Variants in OBI1 observed in about 807,000 individuals in gnomAD.
The protein encoded by OBI1 is ORC ubiquitin ligase 1.
A neutral mutation model predicts 62.4 loss-of-function variants in OBI1; 59 were observed. The observed-to-expected ratio is 0.95, with a 90% CI of 0.77 to 1.17. The LOEUF (loss-of-function observed/expected upper bound fraction) is 1.17. OBI1 is among the 50% of genes most tolerant of loss of function. The probability of loss-of-function intolerance (pLI) is 0.00; values close to 1 mark genes in which losing one functional copy is unlikely to be tolerated. For missense variants in OBI1, 875 were observed against 830.9 expected, an observed-to-expected ratio of 1.05 and a Z score of -0.65; for synonymous variants, 302 against 292.8, an observed-to-expected ratio of 1.03 and a Z score of -0.32.
At chr13:78,633,838 C>T (rs1000778891) in intron 5 of OBI1, among the ~76,000 whole-genome samples, 108 of 152,016 alleles carry the variant, frequency 7.1e-4, no homozygotes, top group East Asian at 2.0e-4. Context: ...GAGGCCGAGG[C>T]GGGTGGATCA....
chr13:78,617,652 T>A (rs1429518393), intron 5 of OBI1, among the ~76,000 whole-genome samples: 1 of 152,212 alleles, frequency 6.6e-6, no homozygotes, highest in African/African-American at 2.4e-5. Flanking sequence ...TAAATACTTA[T>A]TTGGGCCCTT....
chr13:78,658,973 G>T, intron 1 of OBI1, 76 bp downstream of exon 1: 2 of 1,362,114 alleles, frequency 1.5e-6, no homozygotes, highest in Non-Finnish European at 2.1e-6. Context: ...CCCCGCCCCC[G>T]CACGAGACGG....
At chr13:78,653,217 C>G (rs1876595077) in intron 1 of OBI1, among the ~76,000 whole-genome samples, 1 of 152,180 alleles carries the variant, frequency 6.6e-6, no homozygotes, top group Non-Finnish European at 1.5e-5. Context: ...TGAAGAAAGT[C>G]TTGTTTTAGG....
chr13:78,659,131 A>C lies in OBI1; in HGVS notation c.-11T>G. 1 of 1,609,058 alleles carries C rather than the reference A, an allele frequency of 6.2e-7. No individual in the cohort carries two copies. Among genetic ancestry groups the C allele is most frequent in the East Asian group, 2.2e-5 (1 of 44,564 alleles). On this transcript the variant is annotated 5_prime_UTR_variant, in exon 1 of 6. Coordinates refer to ENST00000282003, the MANE Select transcript of OBI1 (RefSeq NM_024546.4). ...CACGGTCTGAGCCATGGCAGCGTTC[A>C]GAATCCCGCCAACACGGAAGTCCCG...
chr13:78,615,764 T>G lies in OBI1; in HGVS notation c.1997A>C (p.Gln666Pro). ...CTTAAACAAAGATGACCCAAATCTT[T>G]GATCTTCAAATAGTCGATGTGAACT... ...LSSSHRLFED[Q>P]RFGSSLFKMS... is the part of the protein sequence containing the mutation. Residue 666 changes from glutamine to proline, a missense_variant, in exon 6 of 6, where the codon CAA (glutamine) becomes CCA (proline). By Grantham distance (76) the Gln-to-Pro change is moderately conservative (BLOSUM62 -1). Transcript: ENST00000282003. The G allele has an allele frequency of 6.2e-7, 1 of 1,613,942 alleles. No individual in the cohort carries two copies. The highest frequency in any genetic ancestry group is 8.5e-7 in the Non-Finnish European group (1 of 1,179,972).
chr13:78,634,807 C>G (rs960041533), intron 5 of OBI1, among the ~76,000 whole-genome samples: 4 of 152,152 alleles, frequency 2.6e-5, no homozygotes, highest in African/African-American at 9.7e-5. Flanking sequence ...CTTAATCTCA[C>G]TACTATGTTA....
chr13:78,653,849 G>A (rs960584603), intron 1 of OBI1, among the ~76,000 whole-genome samples: 1 of 152,026 alleles, frequency 6.6e-6, no homozygotes, highest in Non-Finnish European at 1.5e-5. Context: ...TTTCTCTAGT[G>A]AAGACCTGGA....
At chr13:78,630,733 C>T (rs1384115826) in intron 5 of OBI1, among the ~76,000 whole-genome samples, 1 of 152,104 alleles carries the variant, frequency 6.6e-6, no homozygotes, top group Non-Finnish European at 1.5e-5. Flanking sequence ...CCTCACTAGA[C>T]CAGCTGGCAC....
chr13:78,615,460 A>C lies in OBI1; in HGVS notation c.*120T>G, dbSNP rs1287407564. On this transcript the variant is annotated 3_prime_UTR_variant, in exon 6 of 6. Coordinates refer to ENST00000282003, the MANE Select transcript of OBI1 (RefSeq NM_024546.4). ...CAGGTTAATCCACCATCCTGACTTG[A>C]TACTTGACTAAAGATTATCAATTCC... 1.5e-5 allele frequency: 10 copies of C among 685,244 alleles called. No individual in the cohort carries two copies. The East Asian group carries it at 2.6e-4, about 18-fold the overall frequency. 42.4% of individuals were successfully genotyped at this position (685,244 alleles called of 1,614,324 possible). A position where few individuals can be genotyped will look rare whatever the true frequency, so the allele number is the denominator to read the frequency against.
intron 1 of OBI1, among the ~76,000 whole-genome samples, chr13:78,651,217 G>A (rs575776844): frequency 2.0e-5 from 3 of 151,996 alleles, no homozygotes; most frequent in Non-Finnish European, 2.9e-5. Context: ...TGAATTTAAG[G>A]TTCTCATTCT....
At position 78,659,127 on chromosome 13, in the gene OBI1, G is replaced by T. The variant is rs774802490; in HGVS notation, c.-7C>A. On this transcript the variant is annotated 5_prime_UTR_variant, in exon 1 of 6. Transcript: ENST00000282003. ...TCTGCACGGTCTGAGCCATGGCAGCGTTCAGAATCCCGCCAACACGGAAGT... is the reference window on the plus strand; with the variant it reads ...TCTGCACGGTCTGAGCCATGGCAGCTTTCAGAATCCCGCCAACACGGAAGT... 1.2e-6 allele frequency: 2 copies of T among 1,609,206 alleles called. No individual in the cohort carries two copies. Among genetic ancestry groups the T allele is most frequent in the Admixed American group, 1.7e-5 (1 of 59,480 alleles).
intron 1 of OBI1, among the ~76,000 whole-genome samples, chr13:78,649,133 T>C (rs1370673621): frequency 1.3e-5 from 2 of 152,122 alleles, no homozygotes; most frequent in Non-Finnish European, 2.9e-5. Context: ...CATTTTTAAG[T>C]GGACAAGTTC....
chr13:78,644,786 C>T, intron 2 of OBI1, 76 bp downstream of exon 2: 1 of 1,492,590 alleles, frequency 6.7e-7, no homozygotes, highest in Non-Finnish European at 9.3e-7. Context: ...TAGCCTATTT[C>T]AGTCTTCCTC....
Position 78,616,179 on chromosome 13 carries a change from C to G in OBI1, c.1582G>C (p.Ala528Pro). 6.2e-7 allele frequency: 1 copy of G among 1,614,128 alleles called. No homozygotes were observed. The highest frequency in any genetic ancestry group is 8.5e-7 in the Non-Finnish European group (1 of 1,180,030). ...TCAAGGTAAGCAGCATCCATCGATG[C>G]TTCACTGGATGTTCTTGTCCGGTTC... ...EMNRTRTSSE[A>P]SMDAAYLDKI... Residue 528 changes from alanine (A) to proline (P), a missense_variant, in exon 6 of 6, where the codon GCA becomes CCA. By Grantham distance (27) the Ala-to-Pro change is conservative. Coordinates refer to ENST00000282003, the MANE Select transcript of OBI1 (RefSeq NM_024546.4).
intron 5 of OBI1, among the ~76,000 whole-genome samples, chr13:78,622,365 C>A (rs892676051): frequency 7.2e-5 from 11 of 152,238 alleles, no homozygotes; most frequent in Admixed American, 4.6e-4. Context: ...TCGCTTGAGC[C>A]TGGGAAATCA....
At position 78,639,007 on chromosome 13, in the gene OBI1, G is replaced by T; in HGVS notation, c.365C>A (p.Ser122Ter). 6.2e-7 allele frequency: 1 copy of T among 1,613,772 alleles called. No individual in the cohort carries two copies. The highest frequency in any genetic ancestry group is 8.5e-7 in the Non-Finnish European group (1 of 1,179,806). ...ELKSKNLSLE[S>*]QIKTILDPLT... Reference sequence around the variant, plus strand: ...AGGATCCAGAATAGTTTTGATCTGTGACTCCAAGCTGAGATTTTTACTCTT... The same window carrying T: ...AGGATCCAGAATAGTTTTGATCTGTTACTCCAAGCTGAGATTTTTACTCTT... Residue 122 changes from serine (S) to a stop codon, truncating the protein, a stop_gained, in exon 4 of 6, where the codon TCA becomes TAA. Coordinates refer to ENST00000282003, the MANE Select transcript of OBI1 (RefSeq NM_024546.4). LOFTEE classifies it high-confidence loss of function.
chr13:78,637,136 A>T (rs945376740), intron 4 of OBI1, among the ~76,000 whole-genome samples: 4 of 152,090 alleles, frequency 2.6e-5, no homozygotes, highest in Non-Finnish European at 5.9e-5. Context: ...TTCAAAACTC[A>T]CCCATTCCAG....
chr13:78,650,926 C>T (rs891613566), intron 1 of OBI1, among the ~76,000 whole-genome samples: 1 of 152,156 alleles, frequency 6.6e-6, no homozygotes, highest in African/African-American at 2.4e-5. Context: ...ACAGAGCTAT[C>T]TCTGAATCAC....
intron 5 of OBI1, among the ~76,000 whole-genome samples, chr13:78,632,137 A>G (rs1648918547): frequency 6.6e-6 from 1 of 152,052 alleles, no homozygotes; most frequent in African/African-American, 2.4e-5. Flanking sequence ...TGGAGAAAAG[A>G]TCTTTAGGAA....
Sources: gnomAD v4.1 joint callset for allele counts (sites outside exome capture counted in the v4.1 genomes callset) on GRCh38, gnomAD v4.1.1 for gene constraint, MANE v1.5 for transcripts, NCBI Gene and HGNC (gene_info 2026-07-23, HGNC 2026-07-21) for gene names.